DGKB: variants seen among roughly 807,000 people sequenced by gnomAD.
DGKB encodes 90 kDa diacylglycerol kinase.
DGKB carries 67 observed loss-of-function variants against 114.3 expected under a neutral mutation model. That is an observed-to-expected ratio of 0.59 (90% CI 0.48 to 0.72). The LOEUF (loss-of-function observed/expected upper bound fraction) is 0.72. Ranked by LOEUF, DGKB falls within the 30% of genes least tolerant of loss-of-function variation. The pLI, the probability that DGKB is intolerant of heterozygous loss-of-function variation, is 0.00. For synonymous variants in DGKB, 398 were observed against 323.1 expected (o/e 1.23, Z -2.49); for missense variants, 907 against 975.2 (o/e 0.93, Z 0.93).
intron 23 of DGKB, among the ~76,000 whole-genome samples, chr7:14,250,692 C>A (rs1328969038): frequency 1.3e-5 from 2 of 152,032 alleles, no homozygotes; most frequent in Non-Finnish European, 2.9e-5. Flanking sequence ...CCACTGTTTC[C>A]TTATTGATTT....
At chr7:14,306,760 G>T (rs892894502) in intron 23 of DGKB, among the ~76,000 whole-genome samples, 1 of 152,072 alleles carries the variant, frequency 6.6e-6, no homozygotes, top group Non-Finnish European at 1.5e-5. Context: ...AGCCCTCATG[G>T]TGCTTAAAGT....
At chr7:14,398,910 A>G (rs2128722187) in intron 21 of DGKB, among the ~76,000 whole-genome samples, 1 of 152,074 alleles carries the variant, frequency 6.6e-6, no homozygotes, top group Middle Eastern at 3.4e-3. Flanking sequence ...ATGCTTAGGA[A>G]AGATCTAGGG....
At chr7:14,491,558 A>G (rs1379395691) in intron 20 of DGKB, among the ~76,000 whole-genome samples, 1 of 152,008 alleles carries the variant, frequency 6.6e-6, no homozygotes, top group Admixed American at 6.6e-5. Context: ...GCTTTTCTCT[A>G]AGGTATTTCA....
At chr7:14,158,760 C>T (rs1198853713) in intron 25 of DGKB, among the ~76,000 whole-genome samples, 1 of 152,046 alleles carries the variant, frequency 6.6e-6, no homozygotes, top group African/African-American at 2.4e-5. Flanking sequence ...AGAGAGGAAA[C>T]TGATTGTTTT....
chr7:14,880,945 T>A (rs1253053241), intron 1 of DGKB, among the ~76,000 whole-genome samples: 1 of 152,168 alleles, frequency 6.6e-6, no homozygotes, highest in African/African-American at 2.4e-5. Flanking sequence ...AAATTCCTTG[T>A]CATATGTCTT....
intron 1 of DGKB, among the ~76,000 whole-genome samples, chr7:14,876,827 C>T (rs1012706087): frequency 2.6e-5 from 4 of 152,150 alleles, no homozygotes; most frequent in African/African-American, 2.4e-5. Context: ...AATTATCATA[C>T]ATTCAGTGTA....
chr7:14,369,764 GTTGT>G (rs1468897280), intron 21 of DGKB, among the ~76,000 whole-genome samples: 7 of 152,080 alleles, frequency 4.6e-5, no homozygotes, highest in Non-Finnish European at 8.8e-5. Flanking sequence ...TTTTGATGTG[GTTGT>G]TTGTTTTTTT....
intron 23 of DGKB, among the ~76,000 whole-genome samples, chr7:14,334,275 CAA>C (rs761826366): frequency 1.4e-4 from 21 of 151,842 alleles, no homozygotes; most frequent in Non-Finnish European, 2.6e-4. Flanking sequence ...ATGAGATATG[CAA>C]AGACATATTT....
At chr7:14,846,484 A>G (rs1174654548) in intron 1 of DGKB, among the ~76,000 whole-genome samples, 3 of 152,362 alleles carry the variant, frequency 2.0e-5, no homozygotes, top group African/African-American at 2.4e-5. Context: ...AGGCACAGCT[A>G]TATCTCATGC....
intron 5 of DGKB, among the ~76,000 whole-genome samples, chr7:14,726,423 G>A (rs561052183): frequency 3.9e-5 from 6 of 152,232 alleles, no homozygotes; most frequent in East Asian, 1.9e-4. Context: ...GTGAGCCACC[G>A]TGCCCGGCCA....
At chr7:14,763,234 T>C (rs1428669799) in intron 2 of DGKB, among the ~76,000 whole-genome samples, 1 of 152,038 alleles carries the variant, frequency 6.6e-6, no homozygotes, top group Non-Finnish European at 1.5e-5. Flanking sequence ...TCTGTCAACT[T>C]ATCCACAAAA....
chr7:14,379,740 A>G (rs1273741155), intron 21 of DGKB, among the ~76,000 whole-genome samples: 2 of 152,024 alleles, frequency 1.3e-5, no homozygotes, highest in African/African-American at 4.8e-5. Context: ...TTGTATTTTT[A>G]GTAGTGACGG....
At chr7:14,478,708 G>A (rs1244937631) in intron 20 of DGKB, among the ~76,000 whole-genome samples, 1 of 151,834 alleles carries the variant, frequency 6.6e-6, no homozygotes, top group Non-Finnish European at 1.5e-5. Context: ...AAAGATAAGT[G>A]CAATACTTGA....
chr7:14,474,904 AGAAAGTT>A (rs1178667425), intron 21 of DGKB, among the ~76,000 whole-genome samples: 5 of 152,016 alleles, frequency 3.3e-5, no homozygotes, highest in Non-Finnish European at 7.4e-5. Flanking sequence ...CTTAAAGTTT[AGAAAGTT>A]AAACAGCATG....
chr7:14,299,210 T>C (rs1803087562), intron 23 of DGKB, among the ~76,000 whole-genome samples: 1 of 152,076 alleles, frequency 6.6e-6, no homozygotes, highest in Admixed American at 6.6e-5. Context: ...AAGGAGAGTA[T>C]TGGAGGAAAG....
chr7:14,810,110 C>T lies in DGKB; in HGVS notation c.70+31084G>A, dbSNP rs73070764. Among the ~76,000 whole-genome samples, 703 of 152,276 alleles carry T rather than the reference C, an allele frequency of 4.6e-3. 8 individuals are homozygous for T. The highest frequency in any genetic ancestry group is 0.027 in the Admixed American group (415 of 15,276). On this transcript the variant is annotated intron_variant, in intron 2 of 25. Transcript: ENST00000402815. ...CTGGAGACTTGAAAGAATTCGTGCA[C>T]GTTGCAAACACGAATTACTTTTTAT...
At chr7:14,953,767 A>C (rs1219030100) in intron 1 of DGKB, among the ~76,000 whole-genome samples, 1 of 152,160 alleles carries the variant, frequency 6.6e-6, no homozygotes, top group Non-Finnish European at 1.5e-5. Context: ...AACATTATTC[A>C]TACTAAACAA....
Position 14,146,314 on chromosome 7 carries a change from T to G in DGKB, c.*2817A>C, listed in dbSNP as rs1781472688. 6.6e-6 allele frequency: 1 copy of G among 152,212 alleles called. No homozygotes were observed. The allele number at this position is 152,212 out of a possible 1,614,324, so 9.4% of individuals were successfully genotyped here. ...TCTCTCTGGAATCTCATCAACTCAG[T>G]GCCTAGCAATGTTTAGCAGAGTGCA... On this transcript the variant is annotated 3_prime_UTR_variant, in exon 26 of 26. Coordinates refer to ENST00000402815, the MANE Select transcript of DGKB (RefSeq NM_001350709.2).
intron 22 of DGKB, among the ~76,000 whole-genome samples, chr7:14,342,330 C>T (rs1811740171): frequency 1.3e-5 from 2 of 151,770 alleles, no homozygotes; most frequent in South Asian, 4.1e-4. Context: ...TTAACTTTGC[C>T]TGGTACTCTG....
Sources: allele counts gnomAD v4.1 joint callset (sites outside exome capture counted in the v4.1 genomes callset), GRCh38; gene constraint gnomAD v4.1.1; transcripts MANE v1.5; gene names NCBI Gene and HGNC (gene_info 2026-07-23, HGNC 2026-07-21).